The following CLDN4 variants were observed in gnomAD, a reference collection of about 807,000 sequenced individuals.
CLDN4 encodes claudin 4, also known as claudin-4.
CLDN4 carries 12 observed loss-of-function variants against 13.7 expected under a neutral mutation model. That is an observed-to-expected ratio of 0.88 (90% CI 0.56 to 1.42). The LOEUF (loss-of-function observed/expected upper bound fraction) is 1.42, where lower values mean the gene tolerates loss of function less well. CLDN4 is among the 40% of genes most tolerant of loss of function. The probability of loss-of-function intolerance (pLI) is 0.00; values close to 1 mark genes in which losing one functional copy is unlikely to be tolerated. For synonymous variants in CLDN4, 152 were observed against 140.6 expected, an observed-to-expected ratio of 1.08 and a Z score of -0.57; for missense variants, 252 against 297.4, an observed-to-expected ratio of 0.85 and a Z score of 1.12.
Position 73,831,878 on chromosome 7 carries a change from A to G in CLDN4, c.*47A>G. On this transcript the variant is annotated 3_prime_UTR_variant, in exon 1 of 1. Transcript: ENST00000340958. ...TCCTCTCTGCTTTGTTCTTCCCTGG[A>G]CTGAGCTCAGCGCAGGCTGTGACCC... The G allele has an allele frequency of 6.5e-7, 1 of 1,528,872 alleles. No individual in the cohort carries two copies. The highest frequency in any genetic ancestry group is 8.8e-7 in the Non-Finnish European group (1 of 1,137,078). 94.7% of individuals were successfully genotyped at this position (1,528,872 alleles called of 1,614,324 possible). A position where few individuals can be genotyped will look rare whatever the true frequency, so the allele number is the denominator to read the frequency against.
rs1554634062 is a variant in CLDN4 at position 73,831,372 on chromosome 7, G to A, written c.171G>A (p.Gln57=). The A allele has an allele frequency of 1.2e-6, 2 of 1,614,078 alleles. No individual in the cohort carries two copies. Among genetic ancestry groups the A allele is most frequent in the Non-Finnish European group, 1.7e-6 (2 of 1,179,966 alleles). ...WEGLWMNCVV[Q]STGQMQCKVY... ...GCCTATGGATGAACTGCGTGGTGCA[G>A]AGCACCGGCCAGATGCAGTGCAAGG... is the stretch of plus-strand genomic sequence containing the variant. The change falls in exon 1 of 1, where the codon CAG becomes CAA. Residue 57 remains glutamine, a synonymous_variant. Transcript: ENST00000340958.
rs1554634155 is a variant in CLDN4, at chr7:73,831,625, A to T, written c.424A>T (p.Asn142Tyr). 6.2e-6 allele frequency: 10 copies of T among 1,614,116 alleles called. No individual in the cohort carries two copies. Among genetic ancestry groups the T allele is most frequent in the Non-Finnish European group, 8.5e-6 (10 of 1,179,968 alleles). The change falls in exon 1 of 1, where the codon AAC becomes TAC. Residue 142 changes from asparagine (N) to tyrosine (Y), a missense_variant. Physicochemically the swap from Asn to Tyr is moderately radical, Grantham distance 143 (BLOSUM62 -2). Coordinates refer to ENST00000340958, the MANE Select transcript of CLDN4 (RefSeq NM_001305.5). ...AGTGCCGGTGTCCTGGACGGCCCACAACATCATCCAAGACTTCTACAATCC... is the reference window on the plus strand; with the variant it reads ...AGTGCCGGTGTCCTGGACGGCCCACTACATCATCCAAGACTTCTACAATCC... ...VIVPVSWTAHNIIQDFYNPLV... is the reference protein window; with the variant it reads ...VIVPVSWTAHYIIQDFYNPLV...
rs2130522086 is a variant in CLDN4 at position 73,831,376 on chromosome 7, AC to A, written c.177del (p.Gly60AlafsTer59). The A allele has an allele frequency of 1.9e-6, 3 of 1,614,046 alleles. No homozygotes were observed. The South Asian group carries it at 3.3e-5, about 18-fold the overall frequency. ...GLWMNCVVQS[T>X]GQMQCKVYDS... ...ATGGATGAACTGCGTGGTGCAGAGC[AC>A]CGGCCAGATGCAGTGCAAGGTGTAC... On this transcript the variant is annotated frameshift_variant, in exon 1 of 1. Transcript: ENST00000340958. LOFTEE classifies it high-confidence loss of function.
In CLDN4 at chr7:73,832,208, C is replaced by T; in HGVS notation, c.*377C>T. 1 of 234,824 alleles carries T rather than the reference C, an allele frequency of 4.3e-6. No homozygotes were observed. Among genetic ancestry groups the T allele is most frequent in the East Asian group, 1.1e-4 (1 of 9,410 alleles). The allele number at this position is 234,824 out of a possible 1,614,324, so 14.5% of individuals were successfully genotyped here. On this transcript the variant is annotated 3_prime_UTR_variant, in exon 1 of 1. Coordinates refer to ENST00000340958, the MANE Select transcript of CLDN4 (RefSeq NM_001305.5). ...ATTTACATTTTCCCCACTCTGTCTG[C>T]CTGCATCTCCTCTGTTCCGGGTAGG...
At position 73,831,339 on chromosome 7, in the gene CLDN4, C is replaced by G. The variant is rs1171793589; in HGVS notation, c.138C>G (p.Ile46Met). The change falls in exon 1 of 1, where the codon ATC becomes ATG. Residue 46 changes from isoleucine (I) to methionine (M), a missense_variant. Ile to Met is a conservative substitution (Grantham distance 10). Transcript: ENST00000340958. ...GCAACATTGTCACCTCGCAGACCAT[C>G]TGGGAGGGCCTATGGATGAACTGCG... Reference protein sequence around the residue: ...IGSNIVTSQTIWEGLWMNCVV... With the variant: ...IGSNIVTSQTMWEGLWMNCVV... The G allele has an allele frequency of 1.9e-6, 3 of 1,613,962 alleles. No individual in the cohort carries two copies. The highest frequency in any genetic ancestry group is 1.3e-5 in the African/African-American group (1 of 74,950).
At position 73,832,660 on chromosome 7, in the gene CLDN4, A is replaced by G. The variant is rs139238915; in HGVS notation, c.*829A>G. ...ATCACTGTAATTATTATTATTTTCT[A>G]CAATAAATGGGACCTGTGCACAGGA... On this transcript the variant is annotated 3_prime_UTR_variant, in exon 1 of 1. Coordinates refer to ENST00000340958, the MANE Select transcript of CLDN4 (RefSeq NM_001305.5). 3.6e-4 allele frequency: 59 copies of G among 165,206 alleles called. No homozygotes were observed. Among genetic ancestry groups the G allele is most frequent in the Non-Finnish European group, 7.2e-4 (49 of 67,950 alleles). The allele number at this position is 165,206 out of a possible 1,614,324, so 10.2% of individuals were successfully genotyped here.
Position 73,831,374 on chromosome 7 carries a change from G to C in CLDN4, c.173G>C (p.Ser58Thr), listed in dbSNP as rs1788027723. Residue 58 changes from serine (S) to threonine (T), a missense_variant, in exon 1 of 1, where the codon AGC (serine) becomes ACC (threonine). Coordinates refer to ENST00000340958, the MANE Select transcript of CLDN4 (RefSeq NM_001305.5). Reference sequence around the variant, plus strand: ...CTATGGATGAACTGCGTGGTGCAGAGCACCGGCCAGATGCAGTGCAAGGTG... The same window carrying C: ...CTATGGATGAACTGCGTGGTGCAGACCACCGGCCAGATGCAGTGCAAGGTG... ...EGLWMNCVVQSTGQMQCKVYD... is the reference protein window; with the variant it reads ...EGLWMNCVVQTTGQMQCKVYD... The C allele has an allele frequency of 1.9e-6, 3 of 1,614,058 alleles. No individual in the cohort carries two copies. In the African/African-American group the frequency reaches 4.0e-5, roughly 22 times the overall value.
At position 73,831,826 on chromosome 7, in the gene CLDN4, G is replaced by A. The variant is rs782593567; in HGVS notation, c.625G>A (p.Val209Met). Reference sequence around the variant, plus strand: ...CCGCTCTGCTGCTGCCAGCAACTACGTGTAAGGTGCCACGGCTCCACTCTG... The same window carrying A: ...CCGCTCTGCTGCTGCCAGCAACTACATGTAAGGTGCCACGGCTCCACTCTG... ...AARSAAASNY[V>M] The change falls in exon 1 of 1, where the codon GTG becomes ATG. Residue 209 changes from valine (V) to methionine (M), a missense_variant. Val to Met is a conservative substitution (Grantham distance 21). Coordinates refer to ENST00000340958, the MANE Select transcript of CLDN4 (RefSeq NM_001305.5). The A allele has an allele frequency of 1.0e-5, 16 of 1,564,402 alleles. No homozygotes were observed. The highest frequency in any genetic ancestry group is 3.7e-5 in the South Asian group (3 of 81,926).
At position 73,831,186 on chromosome 7, in the gene CLDN4, C is replaced by T. The variant is rs868987131; in HGVS notation, c.-16C>T. 2.6e-6 allele frequency: 4 copies of T among 1,538,538 alleles called. No homozygotes were observed. The highest frequency in any genetic ancestry group is 2.6e-6 in the Non-Finnish European group (3 of 1,142,182). Reference sequence around the variant, plus strand: ...CCTCAGCCTTCCAGGTCCTCAACTCCCGTGGACGCTGAACAATGGCCTCCA... The same window carrying T: ...CCTCAGCCTTCCAGGTCCTCAACTCTCGTGGACGCTGAACAATGGCCTCCA... On this transcript the variant is annotated 5_prime_UTR_variant, in exon 1 of 1. Transcript: ENST00000340958.
Position 73,831,738 on chromosome 7 carries a change from G to A in CLDN4, c.537G>A (p.Gly179=), listed in dbSNP as rs782681015. Residue 179 remains glycine, a synonymous_variant, in exon 1 of 1, where the codon GGG becomes GGA. Transcript: ENST00000340958. ...AASGLLLLGG[G]LLCCNCPPRT... is the part of the protein sequence containing the mutation. Reference sequence around the variant, plus strand: ...CCGGCCTGCTGCTCCTTGGCGGGGGGCTGCTTTGCTGCAACTGTCCACCCC... The same window carrying A: ...CCGGCCTGCTGCTCCTTGGCGGGGGACTGCTTTGCTGCAACTGTCCACCCC... The A allele has an allele frequency of 3.7e-6, 6 of 1,612,616 alleles. No homozygotes were observed. The highest frequency in any genetic ancestry group is 3.3e-5 in the South Asian group (3 of 90,872).
rs782267647 is a variant in CLDN4 at position 73,831,423 on chromosome 7, G to A, written c.222G>A (p.Pro74=). 2.0e-5 allele frequency: 33 copies of A among 1,614,004 alleles called. No homozygotes were observed. The highest frequency in any genetic ancestry group is 2.2e-5 in the East Asian group (1 of 44,890). ...CKVYDSLLAL[P]QDLQAARALV... ...TGTACGACTCGCTGCTGGCACTGCC[G>A]CAGGACCTGCAGGCGGCCCGCGCCC... Residue 74 remains proline (P), a synonymous_variant, in exon 1 of 1, where the codon CCG becomes CCA. Transcript: ENST00000340958.
At position 73,831,963 on chromosome 7, in the gene CLDN4, GC is replaced by G; in HGVS notation, c.*134del. On this transcript the variant is annotated 3_prime_UTR_variant, in exon 1 of 1. Coordinates refer to ENST00000340958, the MANE Select transcript of CLDN4 (RefSeq NM_001305.5). The stretch of plus-strand genomic sequence containing the variant: ...GGACTGGGGACTGGGCAGAGACTGA[GC>G]CAGGCAGGAAGGCAGCAGCCTTCAG... 1 of 1,285,632 alleles carries G rather than the reference GC, an allele frequency of 7.8e-7. No homozygotes were observed. Among genetic ancestry groups the G allele is most frequent in the Non-Finnish European group, 1.1e-6 (1 of 935,970 alleles). The allele number at this position is 1,285,632 out of a possible 1,614,324, so 79.6% of individuals were successfully genotyped here.
Position 73,831,206 on chromosome 7 carries a change from C to A in CLDN4, c.5C>A (p.Ala2Asp). 2 of 1,557,160 alleles carry A rather than the reference C, an allele frequency of 1.3e-6. No individual in the cohort carries two copies. Among genetic ancestry groups the A allele is most frequent in the South Asian group, 1.2e-5 (1 of 82,584 alleles). The change falls in exon 1 of 1, where the codon GCC becomes GAC. Residue 2 changes from alanine to aspartate, a missense_variant. By Grantham distance (126) the Ala-to-Asp change is moderately radical. Transcript: ENST00000340958. M[A>D]SMGLQVMGIA... ...AACTCCCGTGGACGCTGAACAATGG[C>A]CTCCATGGGGCTACAGGTAATGGGC...
At position 73,831,468 on chromosome 7, in the gene CLDN4, C is replaced by G; in HGVS notation, c.267C>G (p.Ile89Met). Residue 89 changes from isoleucine to methionine, a missense_variant, in exon 1 of 1, where the codon ATC becomes ATG. Coordinates refer to ENST00000340958, the MANE Select transcript of CLDN4 (RefSeq NM_001305.5). ...AARALVIISI[I>M]VAALGVLLSV... ...GCGCCCTCGTCATCATCAGCATCAT[C>G]GTGGCTGCTCTGGGCGTGCTGCTGT... 6.2e-7 allele frequency: 1 copy of G among 1,614,166 alleles called. No individual in the cohort carries two copies. The highest frequency in any genetic ancestry group is 8.5e-7 in the Non-Finnish European group (1 of 1,180,022).
At position 73,831,429 on chromosome 7, in the gene CLDN4, C is replaced by A. The variant is rs1305483195; in HGVS notation, c.228C>A (p.Asp76Glu). 2.5e-6 allele frequency: 4 copies of A among 1,614,036 alleles called. No individual in the cohort carries two copies. The highest frequency in any genetic ancestry group is 1.3e-5 in the African/African-American group (1 of 74,940). Residue 76 changes from aspartate to glutamate, a missense_variant, in exon 1 of 1, where the codon GAC becomes GAA. Asp to Glu is a conservative substitution (Grantham distance 45). Transcript: ENST00000340958. ...VYDSLLALPQ[D>E]LQAARALVII... ...ACTCGCTGCTGGCACTGCCGCAGGA[C>A]CTGCAGGCGGCCCGCGCCCTCGTCA...
In CLDN4 at chr7:73,832,166, C is replaced by T. The variant is rs1127156; in HGVS notation, c.*335C>T. ...TGACTTTGGGATCTGCCTGCATCGG[C>T]GTTGGCCACTGTCCCCATTTACATT... On this transcript the variant is annotated 3_prime_UTR_variant, in exon 1 of 1. Transcript: ENST00000340958. The T allele has an allele frequency of 0.68, 219,777 of 325,548 alleles. 75,571 individuals carry two copies. The highest frequency in any genetic ancestry group is 0.74 in the Non-Finnish European group (125,355 of 168,976). 20.2% of individuals were successfully genotyped at this position (325,548 alleles called of 1,614,324 possible). A position where few individuals can be genotyped will look rare whatever the true frequency, so the allele number is the denominator to read the frequency against.
At position 73,831,457 on chromosome 7, in the gene CLDN4, A is replaced by G; in HGVS notation, c.256A>G (p.Ile86Val). 1 of 1,614,170 alleles carries G rather than the reference A, an allele frequency of 6.2e-7. No homozygotes were observed. The change falls in exon 1 of 1, where the codon ATC (isoleucine) becomes GTC (valine). Residue 86 changes from isoleucine (I) to valine (V), a missense_variant. Physicochemically the swap from Ile to Val is conservative, Grantham distance 29 (BLOSUM62 3). Transcript: ENST00000340958. ...GCAGGCGGCCCGCGCCCTCGTCATCATCAGCATCATCGTGGCTGCTCTGGG... is the reference window on the plus strand; with the variant it reads ...GCAGGCGGCCCGCGCCCTCGTCATCGTCAGCATCATCGTGGCTGCTCTGGG... ...DLQAARALVI[I>V]SIIVAALGVL...
chr7:73,832,180 C>T lies in CLDN4; in HGVS notation c.*349C>T. The T allele has an allele frequency of 3.6e-6, 1 of 279,602 alleles. No individual in the cohort carries two copies. The allele number at this position is 279,602 out of a possible 1,614,324, so 17.3% of individuals were successfully genotyped here. On this transcript the variant is annotated 3_prime_UTR_variant, in exon 1 of 1. Transcript: ENST00000340958. ...GCCTGCATCGGCGTTGGCCACTGTC[C>T]CCATTTACATTTTCCCCACTCTGTC... is the stretch of plus-strand genomic sequence containing the variant.
Position 73,831,468 on chromosome 7 carries a change from C to T in CLDN4, c.267C>T (p.Ile89=), listed in dbSNP as rs1488715043. 17 of 1,614,050 alleles carry T rather than the reference C, an allele frequency of 1.1e-5. No homozygotes were observed. Among genetic ancestry groups the T allele is most frequent in the African/African-American group, 9.3e-5 (7 of 74,948 alleles). ...GCGCCCTCGTCATCATCAGCATCAT[C>T]GTGGCTGCTCTGGGCGTGCTGCTGT... The part of the protein sequence containing the change: ...AARALVIISI[I]VAALGVLLSV... The change falls in exon 1 of 1, where the codon ATC becomes ATT. Residue 89 remains isoleucine (I), a synonymous_variant. Coordinates refer to ENST00000340958, the MANE Select transcript of CLDN4 (RefSeq NM_001305.5).
Sources: allele counts gnomAD v4.1 joint callset, GRCh38; gene constraint gnomAD v4.1.1; transcripts MANE v1.5; gene names NCBI Gene and HGNC (gene_info 2026-07-23, HGNC 2026-07-21).